TENM3: variants seen among roughly 807,000 people sequenced by gnomAD.
TENM3 encodes the protein teneurin-3.
In TENM3, 63 loss-of-function variants were observed where a neutral mutation model predicts 255.1. The ratio of observed to expected loss-of-function variants is 0.25; its 90% confidence interval spans 0.20 to 0.30. The LOEUF is 0.30. TENM3 is among the 10% of genes least tolerant of loss of function. The pLI is 1.00. For missense variants in TENM3, 2,929 were observed against 3,461.1 expected (o/e 0.85, Z 3.86); for synonymous variants, 1,306 against 1,322.3 (o/e 0.99, Z 0.27).
chr4:181,861,244 T>G, the TENM3 span, among the ~76,000 whole-genome samples: 1 of 152,190 alleles, frequency 6.6e-6, no homozygotes, highest in Admixed American at 6.5e-5. Context: ...GGATGTGTAA[T>G]TTTGTTGGCA....
the TENM3 span, among the ~76,000 whole-genome samples, chr4:182,138,249 A>G: frequency 6.6e-6 from 1 of 152,208 alleles, no homozygotes; most frequent in Non-Finnish European, 1.5e-5. Context: ...ATCACGACGA[A>G]TCTTTGCATG....
the TENM3 span, among the ~76,000 whole-genome samples, chr4:181,664,341 T>TAATCC: frequency 6.6e-6 from 1 of 151,754 alleles, no homozygotes; most frequent in African/African-American, 2.4e-5. Flanking sequence ...GTCGTGGTGG[T>TAATCC]CACCTGTAAT....
intron 2 of TENM3, among the ~76,000 whole-genome samples, chr4:182,328,366 C>A (rs1034843700): frequency 2.0e-5 from 3 of 152,100 alleles, no homozygotes; most frequent in Non-Finnish European, 2.9e-5. Context: ...TAGGCGCCTG[C>A]CACTACGCCC....
intron 16 of TENM3, among the ~76,000 whole-genome samples, chr4:182,735,923 AT>A (rs1471223929): frequency 6.6e-6 from 1 of 152,176 alleles, no homozygotes; most frequent in African/African-American, 2.4e-5. Flanking sequence ...TAAGAGTATA[AT>A]TTTTTTTAAT....
At chr4:182,638,637 T>C (rs1752049917) in intron 5 of TENM3, among the ~76,000 whole-genome samples, 1 of 152,196 alleles carries the variant, frequency 6.6e-6, no homozygotes, top group South Asian at 2.1e-4. Context: ...TTCCAGTCCT[T>C]CTGTTACCTG....
chr4:182,696,035 G>C (rs1043991155), intron 12 of TENM3, among the ~76,000 whole-genome samples: 1 of 152,248 alleles, frequency 6.6e-6, no homozygotes, highest in African/African-American at 2.4e-5. Flanking sequence ...TCTTGTTTAT[G>C]TGACGTCAAA....
At chr4:181,830,910 CCTAA>C in the TENM3 span, among the ~76,000 whole-genome samples, 251 of 152,220 alleles carry the variant, frequency 1.6e-3, 1 homozygote, top group African/African-American at 5.8e-3. Flanking sequence ...ATGACTCTTC[CCTAA>C]CTGTGTGCCT....
intron 1 of TENM3, among the ~76,000 whole-genome samples, chr4:182,293,855 C>G (rs532430877): frequency 2.8e-4 from 42 of 152,136 alleles, no homozygotes; most frequent in Non-Finnish European, 3.7e-4. Context: ...TCTAATTAAA[C>G]TAATTCGCAC....
the TENM3 span, among the ~76,000 whole-genome samples, chr4:181,570,131 C>G: frequency 2.6e-5 from 4 of 151,002 alleles, no homozygotes; most frequent in Non-Finnish European, 5.9e-5. Context: ...CTGCAAGCTC[C>G]GCCTCCCGGG....
At chr4:182,328,147 TA>T (rs1763528310) in intron 2 of TENM3, among the ~76,000 whole-genome samples, 2 of 152,210 alleles carry the variant, frequency 1.3e-5, no homozygotes, top group South Asian at 2.1e-4. Flanking sequence ...TTCAGAATTT[TA>T]ACATTTGAAG....
At chr4:181,541,386 TA>T in the TENM3 span, among the ~76,000 whole-genome samples, 1 of 151,710 alleles carries the variant, frequency 6.6e-6, no homozygotes, top group Non-Finnish European at 1.5e-5. Context: ...TCCTGTCTCT[TA>T]AAAAAAATTA....
chr4:182,651,219 A>G (rs1753254377), intron 5 of TENM3, among the ~76,000 whole-genome samples: 1 of 152,066 alleles, frequency 6.6e-6, no homozygotes, highest in Admixed American at 6.6e-5. Context: ...CTAAGCTCCC[A>G]TTATTTTGTT....
intron 1 of TENM3, among the ~76,000 whole-genome samples, chr4:182,265,752 G>T (rs903879534): frequency 5.9e-5 from 9 of 152,044 alleles, no homozygotes; most frequent in Non-Finnish European, 1.2e-4. Flanking sequence ...TCATATAAAA[G>T]AGCTCTAGTT....
the TENM3 span, among the ~76,000 whole-genome samples, chr4:181,782,210 C>G: frequency 1.4e-3 from 214 of 152,208 alleles, 1 homozygote; most frequent in Non-Finnish European, 5.9e-4. Flanking sequence ...AGTTCCTCCT[C>G]GTACCTCTGG....
the TENM3 span, among the ~76,000 whole-genome samples, chr4:181,570,851 G>C: frequency 8.3e-4 from 127 of 152,316 alleles, no homozygotes; most frequent in African/African-American, 2.7e-3. Context: ...GATGGAGCGA[G>C]AGAAGGTGGT....
chr4:182,079,327 T>C, the TENM3 span, among the ~76,000 whole-genome samples: 2 of 152,004 alleles, frequency 1.3e-5, no homozygotes, highest in Non-Finnish European at 2.9e-5. Context: ...CCATCCTGGC[T>C]AACACGGTGA....
the TENM3 span, among the ~76,000 whole-genome samples, chr4:181,695,947 G>A: frequency 6.6e-6 from 1 of 151,520 alleles, no homozygotes; most frequent in African/African-American, 2.4e-5. Context: ...TAATTTAGGG[G>A]GTAAAACAGC....
chr4:182,265,977 T>C (rs1031040128), intron 1 of TENM3, among the ~76,000 whole-genome samples: 25 of 152,240 alleles, frequency 1.6e-4, no homozygotes, highest in African/African-American at 6.0e-4. Context: ...CTTTAACTTT[T>C]AAAAATTGTT....
chr4:182,282,529 C>A (rs1031476922), intron 1 of TENM3, among the ~76,000 whole-genome samples: 1 of 152,020 alleles, frequency 6.6e-6, no homozygotes, highest in African/African-American at 2.4e-5. Context: ...TGCGGAGTAC[C>A]AATGTGCCTT....
Sources: gnomAD v4.1 joint callset for allele counts (sites outside exome capture counted in the v4.1 genomes callset) on GRCh38, gnomAD v4.1.1 for gene constraint, MANE v1.5 for transcripts, NCBI Gene and HGNC (gene_info 2026-07-23, HGNC 2026-07-21) for gene names.